Variants in RTL4 observed in about 807,000 individuals in gnomAD.
The protein encoded by RTL4 is retrotransposon Gag-like protein 4.
A neutral mutation model predicts 5.3 loss-of-function variants in RTL4; 4 were observed. That is an observed-to-expected ratio of 0.75 (90% CI 0.37 to 1.72). The LOEUF (loss-of-function observed/expected upper bound fraction) is 1.72. Among genes scored for constraint, RTL4 ranks in the 40% most tolerant of loss-of-function variants. The pLI, the probability that RTL4 is intolerant of heterozygous loss-of-function variation, is 0.04. For missense variants in RTL4, 260 were observed against 227.1 expected (o/e 1.14, Z -0.93); for synonymous variants, 98 against 87.3 (o/e 1.12, Z -0.68).
chrX:112,213,605 A>G, the RTL4 span, among the ~76,000 whole-genome samples: 2 of 112,202 alleles, frequency 1.8e-5, no homozygotes, highest in East Asian at 5.6e-4. Flanking sequence ...GACTATATGG[A>G]TTTCACCATT....
chrX:112,108,587 G>A, the RTL4 span, among the ~76,000 whole-genome samples: 32 of 111,162 alleles, frequency 2.9e-4, no homozygotes, highest in African/African-American at 5.9e-4. Context: ...GGACCTACTC[G>A]GGTAGATCTA....
At chrX:112,115,827 G>A in the RTL4 span, among the ~76,000 whole-genome samples, 3 of 112,464 alleles carry the variant, frequency 2.7e-5, no homozygotes, top group Non-Finnish European at 5.6e-5. Flanking sequence ...AGAGGTGGGA[G>A]GAAGTTTGTC....
chrX:112,366,417 A>T, the RTL4 span, among the ~76,000 whole-genome samples: 1 of 111,296 alleles, frequency 9.0e-6, no homozygotes, highest in Non-Finnish European at 1.9e-5. Context: ...GGTTCCTCAC[A>T]AGCTCTGGAT....
chrX:112,146,118 T>G, the RTL4 span, among the ~76,000 whole-genome samples: 1 of 111,932 alleles, frequency 8.9e-6, no homozygotes, highest in African/African-American at 3.3e-5. Context: ...GTTGTGGTAA[T>G]TTAGGCCAAA....
chrX:112,225,514 C>T, the RTL4 span, among the ~76,000 whole-genome samples: 2 of 111,780 alleles, frequency 1.8e-5, no homozygotes, highest in African/African-American at 6.5e-5. Flanking sequence ...GTTAATTTCT[C>T]AGATGTCTGT....
the RTL4 span, among the ~76,000 whole-genome samples, chrX:112,389,332 CAA>C: frequency 5.4e-3 from 485 of 89,245 alleles, no homozygotes; most frequent in Non-Finnish European, 9.6e-3. Context: ...TTAATTTTCT[CAA>C]AAAAAAAAAA....
At chrX:112,400,268 C>A in the RTL4 span, among the ~76,000 whole-genome samples, 1 of 111,425 alleles carries the variant, frequency 9.0e-6, no homozygotes, top group African/African-American at 3.3e-5. Context: ...TCTATTTTCC[C>A]GAATATTATC....
the RTL4 span, among the ~76,000 whole-genome samples, chrX:112,393,902 G>C: frequency 1.8e-5 from 2 of 111,941 alleles, no homozygotes; most frequent in South Asian, 3.8e-4. Context: ...CAGTTTGTTA[G>C]AGTTGCAGCT....
At chrX:112,281,815 C>T in the RTL4 span, among the ~76,000 whole-genome samples, 18 of 111,275 alleles carry the variant, frequency 1.6e-4, no homozygotes, top group South Asian at 3.7e-4. Context: ...TATTTGGGTC[C>T]GTTACTCAAT....
chrX:112,287,449 TTCTGAGAAGTATA>T, the RTL4 span, among the ~76,000 whole-genome samples: 1 of 112,018 alleles, frequency 8.9e-6, no homozygotes, highest in South Asian at 3.7e-4. Context: ...AATTGTAGGA[TTCTGAGAAGTATA>T]TCTGACAATT....
chrX:112,322,927 T>A, the RTL4 span, among the ~76,000 whole-genome samples: 2 of 112,090 alleles, frequency 1.8e-5, no homozygotes, highest in Admixed American at 1.9e-4. Flanking sequence ...TATAATTTAT[T>A]CAGCCTTCAC....
chrX:112,309,449 T>A, the RTL4 span, among the ~76,000 whole-genome samples: 8 of 110,993 alleles, frequency 7.2e-5, no homozygotes, highest in Middle Eastern at 4.6e-3. Context: ...GGGGGTACAA[T>A]TCAGTCCATA....
the RTL4 span, among the ~76,000 whole-genome samples, chrX:112,349,747 C>G: frequency 1.0e-5 from 1 of 97,711 alleles, no homozygotes; most frequent in East Asian, 3.2e-4. Flanking sequence ...TGCTTATCAG[C>G]TTAAGGAGAT....
At chrX:112,270,677 A>G in the RTL4 span, among the ~76,000 whole-genome samples, 1 of 111,129 alleles carries the variant, frequency 9.0e-6, no homozygotes, top group Non-Finnish European at 1.9e-5. Context: ...CCCTGTGGCA[A>G]TCACTGAAAC....
chrX:112,413,884 G>A, the RTL4 span, among the ~76,000 whole-genome samples: 9 of 110,870 alleles, frequency 8.1e-5, no homozygotes, highest in African/African-American at 2.6e-4. Flanking sequence ...AATGCTTGAG[G>A]TGATAGATAT....
chrX:112,164,176 G>T, the RTL4 span, among the ~76,000 whole-genome samples: 2 of 111,485 alleles, frequency 1.8e-5, no homozygotes, highest in Admixed American at 9.5e-5. Flanking sequence ...ATTTCCACTG[G>T]CTCAAAACAG....
the RTL4 span, among the ~76,000 whole-genome samples, chrX:112,431,107 T>C: frequency 2.7e-5 from 3 of 110,908 alleles, no homozygotes; most frequent in Admixed American, 1.9e-4. Flanking sequence ...TCTCTCTCTC[T>C]CTTTAGGTAC....
chrX:112,447,217 A>G, the RTL4 span, among the ~76,000 whole-genome samples: 63 of 111,847 alleles, frequency 5.6e-4, no homozygotes, highest in South Asian at 2.2e-3. Flanking sequence ...CCAGAAAAAC[A>G]TGGTTTCTCA....
chrX:112,103,956 T>TTAAC, the RTL4 span, among the ~76,000 whole-genome samples: 17,970 of 110,301 alleles, frequency 0.16, 2,284 homozygotes, highest in African/African-American at 0.43. Context: ...TATATTATCA[T>TTAAC]TACAGTCACC....
Sources: allele counts gnomAD v4.1 joint callset (sites outside exome capture counted in the v4.1 genomes callset), GRCh38; gene constraint gnomAD v4.1.1; transcripts MANE v1.5; gene names NCBI Gene and HGNC (gene_info 2026-07-23, HGNC 2026-07-21).